Variants in SLC25A6 observed in about 807,000 individuals in gnomAD.
SLC25A6 encodes solute carrier family 25 member 6.
SLC25A6 carries 9 observed loss-of-function variants against 25.7 expected under a neutral mutation model. The ratio of observed to expected loss-of-function variants is 0.35; its 90% confidence interval spans 0.21 to 0.61. SLC25A6 has a LOEUF of 0.61. Among genes scored for constraint, SLC25A6 ranks in the 20% least tolerant of loss-of-function variants. SLC25A6 has a pLI of 0.76. For synonymous variants in SLC25A6, 223 were observed against 197.0 expected (o/e 1.13, Z -1.11); for missense variants, 404 against 440.5 (o/e 0.92, Z 0.74).
Position 1,386,772 on chromosome X carries a change from GGA to G in SLC25A6, c.740-15_740-14del, listed in dbSNP as rs762318545. On this transcript the variant is annotated splice_polypyrimidine_tract_variant and intron_variant, in intron 3 of 3. Transcript: ENST00000381401. ...TACATGATGTCAGCTGCAACGACAG[GGA>G]GACAGTGAGGGCCTCGCCGCCAAGC... 6.1e-5 allele frequency: 97 copies of G among 1,599,656 alleles called. No homozygotes were observed. In the East Asian group the frequency reaches 2.1e-3, roughly 35 times the overall value.
rs769423903 is a variant in SLC25A6, at chrX:1,386,798, G to A, written c.740-39C>T. On this transcript the variant is annotated intron_variant, in intron 3 of 3. Transcript: ENST00000381401. ...GAGACAGTGAGGGCCTCGCCGCCAA[G>A]CTCTTCAAGACACGGACGCCACCTG... The A allele has an allele frequency of 2.5e-6, 4 of 1,591,146 alleles. No individual in the cohort carries two copies. The African/African-American group carries it at 4.1e-5, about 16-fold the overall frequency.
rs746216782 is a variant in SLC25A6 at position 1,391,926 on chromosome X, C to G, written c.84G>C (p.Pro28=). Residue 28 remains proline (P), a synonymous_variant, in exon 1 of 4, where the codon CCG becomes CCC. Coordinates refer to ENST00000381401, the MANE Select transcript of SLC25A6 (RefSeq NM_001636.4). ...AAAISKTAVA[P]IERVKLLLQV... The stretch of plus-strand genomic sequence containing the variant: ...GCAGCAGCAGCTTGACCCGCTCGAT[C>G]GGAGCCACGGCCGTCTTGGAGATGG... The G allele has an allele frequency of 1.9e-5, 30 of 1,608,554 alleles. No individual in the cohort carries two copies. The highest frequency in any genetic ancestry group is 3.4e-5 in the Admixed American group (2 of 59,678).
At chrX:1,391,828 A>T in intron 1 of SLC25A6, 71 bp downstream of exon 1, 1 of 1,241,444 alleles carries the variant, frequency 8.1e-7, no homozygotes, top group South Asian at 1.3e-5. Context: ...TCTGCTGCCC[A>T]CGTCCCCGCC....
chrX:1,387,993 C>G (rs760718346), intron 2 of SLC25A6, among the ~76,000 whole-genome samples: 3 of 149,050 alleles, frequency 2.0e-5, no homozygotes, highest in East Asian at 2.0e-4. Context: ...GCCCTGCCCA[C>G]TCCTTGATGT....
At position 1,386,569 on chromosome X, in the gene SLC25A6, G is replaced by C; in HGVS notation, c.*33C>G. 1 of 1,152,892 alleles carries C rather than the reference G, an allele frequency of 8.7e-7. No individual in the cohort carries two copies. Among genetic ancestry groups the C allele is most frequent in the Non-Finnish European group, 1.2e-6 (1 of 861,118 alleles). The allele number at this position is 1,152,892 out of a possible 1,614,324, so 71.4% of individuals were successfully genotyped here. On this transcript the variant is annotated 3_prime_UTR_variant, in exon 4 of 4. Transcript: ENST00000381401. ...CTACGTGGTTCTCTTGGTTCCCCTG[G>C]TGTGTGTGTGTGTGTGGAGGAGGCC... is the stretch of plus-strand genomic sequence containing the variant.
At chrX:1,390,681 G>A (rs5989758) in intron 1 of SLC25A6, among the ~76,000 whole-genome samples, 42,765 of 146,464 alleles carry the variant, frequency 0.29, 5,930 homozygotes, top group African/African-American at 0.42. Context: ...GGGACACCCC[G>A]CCCTGCTAAG....
chrX:1,389,737 G>T lies in SLC25A6; in HGVS notation c.112-10C>A, dbSNP rs373042772. 3.1e-6 allele frequency: 5 copies of T among 1,610,636 alleles called. No individual in the cohort carries two copies. Among genetic ancestry groups the T allele is most frequent in the Middle Eastern group, 2.0e-4 (1 of 4,894 alleles). On this transcript the variant is annotated splice_polypyrimidine_tract_variant and intron_variant, in intron 1 of 3. Transcript: ENST00000381401. The stretch of plus-strand genomic sequence containing the variant: ...TGCTGGCGTGCTGGACCTGGGGGAC[G>T]CAGAGGGTGTTCAGACCAGACCCAG...
At chrX:1,387,131 C>T (rs2089335506) in intron 3 of SLC25A6, 148 bp downstream of exon 3, 2 of 1,022,782 alleles carry the variant, frequency 2.0e-6, no homozygotes, top group South Asian at 1.6e-5. Context: ...GAAAATCCTT[C>T]CACACAGCCA....
intron 3 of SLC25A6, 39 bp downstream of exon 3, chrX:1,387,240 C>G: frequency 6.2e-7 from 1 of 1,605,142 alleles, no homozygotes; most frequent in Non-Finnish European, 8.5e-7. Flanking sequence ...AGCTTGGTTC[C>G]CCTTCCCGGC....
rs759942921 is a variant in SLC25A6 at position 1,387,407 on chromosome X, T to A, written c.611A>T (p.Asp204Val). Residue 204 changes from aspartate to valine, a missense_variant, in exon 3 of 4, where the codon GAC (aspartate) becomes GTC (valine). By Grantham distance (152) the Asp-to-Val change is radical. Transcript: ENST00000381401. ...CACCACGATGTGCGTGTTCTTGGGG[T>A]CGGGGAGCATGCCTGCGCGGGAACG... is the stretch of plus-strand genomic sequence containing the variant. ...VYDTAKGMLPDPKNTHIVVSW... is the reference protein window; with the variant it reads ...VYDTAKGMLPVPKNTHIVVSW... 1 of 1,612,680 alleles carries A rather than the reference T, an allele frequency of 6.2e-7. No individual in the cohort carries two copies. Among genetic ancestry groups the A allele is most frequent in the South Asian group, 1.1e-5 (1 of 91,020 alleles).
chrX:1,391,930 G>T lies in SLC25A6; in HGVS notation c.80C>A (p.Ala27Asp). The change falls in exon 1 of 4, where the codon GCT (alanine) becomes GAT (aspartate). Residue 27 changes from alanine (A) to aspartate (D), a missense_variant. Transcript: ENST00000381401. The stretch of plus-strand genomic sequence containing the variant: ...CAGCAGCTTGACCCGCTCGATCGGA[G>T]CCACGGCCGTCTTGGAGATGGCGGC... ...IAAAISKTAV[A>D]PIERVKLLLQ... 1 of 1,609,200 alleles carries T rather than the reference G, an allele frequency of 6.2e-7. No individual in the cohort carries two copies. The highest frequency in any genetic ancestry group is 8.5e-7 in the Non-Finnish European group (1 of 1,178,804).
chrX:1,389,369 A>C lies in SLC25A6; in HGVS notation c.470T>G (p.Leu157Arg). Residue 157 changes from leucine to arginine, a missense_variant, in exon 2 of 4, where the codon CTG becomes CGG. Transcript: ENST00000381401. ...GGTGATCTTCACCAGGCAGTCTCCC[A>C]GGCCTCGGAACTCGCGCTCTGTGCC... The part of the protein sequence containing the change: ...KSGTEREFRG[L>R]GDCLVKITKS... 6.2e-7 allele frequency: 1 copy of C among 1,613,792 alleles called. No homozygotes were observed.
chrX:1,391,454 G>C (rs2089409446), intron 1 of SLC25A6, among the ~76,000 whole-genome samples: 1 of 152,220 alleles, frequency 6.6e-6, no homozygotes, highest in Admixed American at 6.5e-5. Context: ...CCATATCCTG[G>C]TTATTCCAGG....
At chrX:1,387,788 G>A (rs6644952) in intron 2 of SLC25A6, among the ~76,000 whole-genome samples, 48,317 of 151,568 alleles carry the variant, frequency 0.32, 7,801 homozygotes, top group Admixed American at 0.37. Context: ...AGGACCTCAG[G>A]ATGCAACTGT....
chrX:1,392,010 G>A lies in SLC25A6; in HGVS notation c.-1C>T. On this transcript the variant is annotated 5_prime_UTR_variant, in exon 1 of 4. Transcript: ENST00000381401. ...CGAAGGAGATGGCCTGTTCCGTCAT[G>A]GTGGCAGGGCGGGCAGCGGAACGGG... 1 of 1,603,338 alleles carries A rather than the reference G, an allele frequency of 6.2e-7. No homozygotes were observed. The highest frequency in any genetic ancestry group is 8.5e-7 in the Non-Finnish European group (1 of 1,175,638).
At chrX:1,387,522 C>G in intron 2 of SLC25A6, 103 bp from the exon 3 acceptor site, 1 of 1,503,252 alleles carries the variant, frequency 6.7e-7, no homozygotes, top group Non-Finnish European at 9.0e-7. Context: ...TGGTGCCGAG[C>G]TCTTCCGAGA....
intron 2 of SLC25A6, among the ~76,000 whole-genome samples, chrX:1,388,412 A>T (rs4548374): frequency 6.9e-6 from 1 of 145,336 alleles, no homozygotes; most frequent in Non-Finnish European, 1.5e-5. Flanking sequence ...GGGAAGACGG[A>T]GTCTCCAAGC....
In SLC25A6 at chrX:1,387,208, C is replaced by T. The variant is rs2089336424; in HGVS notation, c.739+71G>A. ...AGTGCCTCCTTTGATGGTTCCTGAC[C>T]TCCCACGGGCCTAGGGCAAGGAGCT... On this transcript the variant is annotated intron_variant, in intron 3 of 3. Transcript: ENST00000381401. The T allele has an allele frequency of 1.8e-5, 29 of 1,574,862 alleles. No homozygotes were observed. In the South Asian group the frequency reaches 2.6e-4, roughly 14 times the overall value.
Position 1,389,236 on chromosome X carries a change from C to G in SLC25A6, c.598+5G>C. 1 of 1,608,766 alleles carries G rather than the reference C, an allele frequency of 6.2e-7. No homozygotes were observed. The highest frequency in any genetic ancestry group is 2.2e-5 in the East Asian group (1 of 44,754). ...CTGGGACTTCGCGATGGCAGCCACA[C>G]GTACCCTTGGCCGTATCGTACACGC... On this transcript the variant is annotated splice_donor_5th_base_variant and intron_variant, in intron 2 of 3. Transcript: ENST00000381401.
Sources: gnomAD v4.1 joint callset for allele counts (sites outside exome capture counted in the v4.1 genomes callset) on GRCh38, gnomAD v4.1.1 for gene constraint, MANE v1.5 for transcripts, NCBI Gene and HGNC (gene_info 2026-07-23, HGNC 2026-07-21) for gene names.